The following MAN1A1 variants were observed in gnomAD, a reference collection of about 807,000 sequenced individuals.
MAN1A1 encodes mannosidase alpha class 1A member 1.
MAN1A1 carries 29 observed loss-of-function variants against 70.8 expected under a neutral mutation model. That is an observed-to-expected ratio of 0.41 (90% CI 0.31 to 0.56). The LOEUF is 0.56. MAN1A1 is among the 20% of genes least tolerant of loss of function. MAN1A1 has a pLI of 0.29. For synonymous variants in MAN1A1, 349 were observed against 330.1 expected, an observed-to-expected ratio of 1.06 and a Z score of -0.62; for missense variants, 747 against 841.3, an observed-to-expected ratio of 0.89 and a Z score of 1.39.
chr6:119,253,013 G>T (rs1775366041), intron 5 of MAN1A1, among the ~76,000 whole-genome samples: 1 of 152,094 alleles, frequency 6.6e-6, no homozygotes, highest in African/African-American at 2.4e-5. Context: ...CTGGCTAAGT[G>T]GGTGCCTCAT....
At chr6:119,235,722 T>C (rs1053907078) in intron 6 of MAN1A1, among the ~76,000 whole-genome samples, 1 of 152,182 alleles carries the variant, frequency 6.6e-6, no homozygotes, top group Non-Finnish European at 1.5e-5. Context: ...AGGATTTTCA[T>C]AGCTAGAGAG....
At chr6:119,250,771 C>T (rs1775298596) in intron 5 of MAN1A1, among the ~76,000 whole-genome samples, 1 of 152,126 alleles carries the variant, frequency 6.6e-6, no homozygotes, top group Admixed American at 6.6e-5. Flanking sequence ...TTCTCACCAC[C>T]TATTTGCATT....
Position 119,258,394 on chromosome 6 carries a change from G to A in MAN1A1, c.898-10040C>T, listed in dbSNP as rs763645214. ...GTATGGTTGCATCTGTACTGAACAC[G>A]TATAGACTTGTCATTATTCCTAAAC... On this transcript the variant is annotated intron_variant, in intron 5 of 12. Transcript: ENST00000368468. 2.6e-5 allele frequency among the ~76,000 whole-genome samples: 4 copies of A among 152,136 alleles called. 1 individual carries two copies. The highest frequency in any genetic ancestry group is 1.9e-4 in the East Asian group (1 of 5,204).
intron 6 of MAN1A1, among the ~76,000 whole-genome samples, chr6:119,214,392 T>C (rs1774140036): frequency 1.3e-5 from 2 of 152,216 alleles, no homozygotes. Flanking sequence ...TGGCTGATAG[T>C]AAAACTACAT....
At chr6:119,266,460 G>A (rs948791127) in intron 5 of MAN1A1, among the ~76,000 whole-genome samples, 3 of 151,708 alleles carry the variant, frequency 2.0e-5, no homozygotes, top group African/African-American at 7.3e-5. Context: ...TTTGACAAAG[G>A]AACAAAGACA....
At chr6:119,280,973 C>A (rs932118691) in intron 5 of MAN1A1, among the ~76,000 whole-genome samples, 22 of 152,192 alleles carry the variant, frequency 1.4e-4, no homozygotes, top group African/African-American at 5.3e-4. Flanking sequence ...CAGGCCGCTG[C>A]CAAACAGCAA....
At position 119,231,130 on chromosome 6, in the gene MAN1A1, T is replaced by C. The variant is rs1327157842; in HGVS notation, c.992+17130A>G. ...ACTTAAAGACAAGCCCTGAAGCTTT[T>C]GGAAAACTATTAAAGATTCTTGATT... On this transcript the variant is annotated intron_variant, in intron 6 of 12. Transcript: ENST00000368468. 3.9e-5 allele frequency among the ~76,000 whole-genome samples: 6 copies of C among 152,314 alleles called. No individual in the cohort carries two copies. In the East Asian group the frequency reaches 1.2e-3, roughly 29 times the overall value.
At chr6:119,189,603 AAACTG>A (rs1248207053) in intron 10 of MAN1A1, 56 bp downstream of exon 10, 1 of 1,528,516 alleles carries the variant, frequency 6.5e-7, no homozygotes, top group Non-Finnish European at 9.0e-7. Flanking sequence ...AGCAATGACA[AAACTG>A]CATTAAATCA....
chr6:119,341,788 C>G (rs1488797302), intron 2 of MAN1A1, among the ~76,000 whole-genome samples: 1 of 152,160 alleles, frequency 6.6e-6, no homozygotes, highest in Admixed American at 6.5e-5. Context: ...CTCGATCTCT[C>G]TCTCTATTTA....
intron 11 of MAN1A1, among the ~76,000 whole-genome samples, chr6:119,181,101 C>G: frequency 6.6e-6 from 1 of 152,070 alleles, no homozygotes; most frequent in East Asian, 1.9e-4. Context: ...TTTATTAAAC[C>G]ACAGCCATGT....
chr6:119,348,647 T>C lies in MAN1A1; in HGVS notation c.419A>G (p.Gln140Arg). 10 of 1,613,718 alleles carry C rather than the reference T, an allele frequency of 6.2e-6. No individual in the cohort carries two copies. Among genetic ancestry groups the C allele is most frequent in the Non-Finnish European group, 8.5e-6 (10 of 1,179,844 alleles). Reference sequence around the variant, plus strand: ...TCTTTGGATCTCCTCGGGCAGCTTCTGCAGGGTCTCCTTGGCTTCCCTGAG... The same window carrying C: ...TCTTTGGATCTCCTCGGGCAGCTTCCGCAGGGTCTCCTTGGCTTCCCTGAG... ...RALREAKETL[Q>R]KLPEEIQRDI... Residue 140 changes from glutamine to arginine, a missense_variant, in exon 2 of 13, where the codon CAG becomes CGG. This residue lies in a region of MAN1A1 where 328 missense variants were observed against 293.1 expected (regional missense o/e 1.12). Transcript: ENST00000368468.
chr6:119,269,210 T>C (rs114101396), intron 5 of MAN1A1: 5,845 of 240,546 alleles, frequency 0.024, 270 homozygotes, highest in African/African-American at 0.11. Flanking sequence ...CCTGTTTACA[T>C]AGCCTCATAA....
chr6:119,271,868 G>T (rs1775934346), intron 5 of MAN1A1, among the ~76,000 whole-genome samples: 1 of 152,130 alleles, frequency 6.6e-6, no homozygotes, highest in African/African-American at 2.4e-5. Context: ...TAGAAAGAAA[G>T]AGATCTAGTA....
chr6:119,241,767 A>T (rs1398306285), intron 6 of MAN1A1, among the ~76,000 whole-genome samples: 2 of 152,208 alleles, frequency 1.3e-5, no homozygotes, highest in African/African-American at 4.8e-5. Flanking sequence ...TAAATGCTGG[A>T]TTTAAAACAA....
In MAN1A1 at chr6:119,341,944, G is replaced by A. The variant is rs577050370; in HGVS notation, c.603+6519C>T. ...CAGCCCGGGAAATATAGTGAGACCC[G>A]ATCTGCATTGTGTAAATAAAAAAAT... On this transcript the variant is annotated intron_variant, in intron 2 of 12. Coordinates refer to ENST00000368468, the MANE Select transcript of MAN1A1 (RefSeq NM_005907.4). Among the ~76,000 whole-genome samples the A allele has an allele frequency of 4.6e-5, 7 of 152,218 alleles. No individual in the cohort carries two copies. In the South Asian group the frequency reaches 8.3e-4, roughly 18 times the overall value.
At chr6:119,290,593 T>A in intron 5 of MAN1A1, 90 bp downstream of exon 5, 2 of 846,154 alleles carry the variant, frequency 2.4e-6, no homozygotes, top group Non-Finnish European at 3.8e-6. Flanking sequence ...ATAGATTCCT[T>A]CTAAATATAT....
chr6:119,272,270 G>C (rs1334317317), intron 5 of MAN1A1, among the ~76,000 whole-genome samples: 1 of 152,196 alleles, frequency 6.6e-6, no homozygotes, highest in African/African-American at 2.4e-5. Context: ...CTGGTAGACT[G>C]TGTCCTTCCG....
At chr6:119,310,498 C>T (rs915000466) in intron 2 of MAN1A1, among the ~76,000 whole-genome samples, 3 of 152,052 alleles carry the variant, frequency 2.0e-5, no homozygotes, top group African/African-American at 7.2e-5. Flanking sequence ...GGCCTGGTGC[C>T]CAACTCAAAG....
intron 6 of MAN1A1, among the ~76,000 whole-genome samples, chr6:119,211,618 T>C (rs559806982): frequency 3.7e-4 from 56 of 152,292 alleles, no homozygotes; most frequent in African/African-American, 1.3e-3. Flanking sequence ...AAACTTCCTC[T>C]TCCAGGCTGA....
Sources: allele counts gnomAD v4.1 joint callset (sites outside exome capture counted in the v4.1 genomes callset), GRCh38; gene constraint gnomAD v4.1.1; regional missense constraint gnomAD v4.1.1; transcripts MANE v1.5; gene names NCBI Gene and HGNC (gene_info 2026-07-23, HGNC 2026-07-21).